The following LDLRAD4 variants were observed in gnomAD, a reference collection of about 807,000 sequenced individuals.
LDLRAD4 encodes low density lipoprotein receptor class A domain containing 4, also known as low-density lipoprotein receptor class A domain-containing protein 4.
Under a neutral mutation model 17.0 loss-of-function variants are expected in LDLRAD4, and 5 were observed. That is an observed-to-expected ratio of 0.29 (90% CI 0.15 to 0.62). The LOEUF is 0.62. LDLRAD4 is among the 20% of genes least tolerant of loss of function. The pLI, the probability that LDLRAD4 is intolerant of heterozygous loss-of-function variation, is 0.84. For synonymous variants in LDLRAD4, 168 were observed against 171.8 expected (o/e 0.98, Z 0.17); for missense variants, 340 against 424.7 (o/e 0.80, Z 1.75).
intron 1 of LDLRAD4, among the ~76,000 whole-genome samples, chr18:13,285,332 G>A (rs1200621007): frequency 6.6e-6 from 1 of 152,172 alleles, no homozygotes; most frequent in African/African-American, 2.4e-5. Context: ...GGTTCATTTG[G>A]CTTGGGGCAG....
chr18:13,469,516 G>A (rs550409627), intron 3 of LDLRAD4, among the ~76,000 whole-genome samples: 1 of 152,346 alleles, frequency 6.6e-6, no homozygotes, highest in South Asian at 2.1e-4. Flanking sequence ...GATAAAAAAT[G>A]TGGTATATAC....
chr18:13,465,886 ACT>A (rs1437593214), intron 3 of LDLRAD4, among the ~76,000 whole-genome samples: 2 of 151,344 alleles, frequency 1.3e-5, no homozygotes, highest in South Asian at 2.1e-4. Flanking sequence ...GCCTCTTCAT[ACT>A]CTCTCCCCCT....
chr18:13,614,558 A>G (rs2039904052), intron 3 of LDLRAD4: 1 of 152,190 alleles, frequency 6.6e-6, no homozygotes, highest in Non-Finnish European at 1.5e-5. Context: ...TTGCTTCTGT[A>G]CTTCAAGCTG....
intron 4 of LDLRAD4, 150 bp from the exon 6 acceptor site, chr18:13,643,209 C>T (rs963426428): frequency 2.0e-6 from 1 of 506,296 alleles, no homozygotes; most frequent in South Asian, 3.1e-5. Flanking sequence ...GCTGGGATTA[C>T]AGGCTTGAGC....
chr18:13,492,558 CA>C (rs1310836498), intron 3 of LDLRAD4, among the ~76,000 whole-genome samples: 1 of 152,204 alleles, frequency 6.6e-6, no homozygotes, highest in Non-Finnish European at 1.5e-5. Context: ...CTGGCCTCAT[CA>C]AAAAGGCCAC....
At chr18:13,225,033 G>A (rs537587185) in intron 1 of LDLRAD4, among the ~76,000 whole-genome samples, 16 of 151,234 alleles carry the variant, frequency 1.1e-4, no homozygotes, top group Admixed American at 8.6e-4. Context: ...ACGGGGTTTC[G>A]TCATGTTGGC....
chr18:13,642,761 TAG>T, intron 4 of LDLRAD4: 1 of 1,230,054 alleles, frequency 8.1e-7, no homozygotes, highest in Non-Finnish European at 1.0e-6. Context: ...CACACAGGTG[TAG>T]AGAGTGAGCC....
intron 3 of LDLRAD4, among the ~76,000 whole-genome samples, chr18:13,441,716 T>C (rs1177939625): frequency 1.3e-5 from 2 of 152,238 alleles, no homozygotes; most frequent in East Asian, 1.9e-4. Context: ...GTTACTGTTA[T>C]TTGTAAAGCC....
chr18:13,515,295 A>C (rs890109914), intron 3 of LDLRAD4: 3 of 152,252 alleles, frequency 2.0e-5, no homozygotes, highest in Admixed American at 1.3e-4. Context: ...TGAGGGAAGG[A>C]AGGATGAGTA....
In LDLRAD4 at chr18:13,612,433, T is replaced by C. The variant is rs1366297112; in HGVS notation, c.182-8684T>C. 2.4e-6 allele frequency: 3 copies of C among 1,265,068 alleles called. No individual in the cohort carries two copies. The African/African-American group carries it at 4.5e-5, about 19-fold the overall frequency. 78.4% of individuals were successfully genotyped at this position (1,265,068 alleles called of 1,614,324 possible). A position where few individuals can be genotyped will look rare whatever the true frequency, so the allele number is the denominator to read the frequency against. ...AGCTCCTGGTTTCTGTTGATGGCAG[T>C]TGATAATTGGTAGCCACAGTCTGCG... is the stretch of plus-strand genomic sequence containing the variant. On this transcript the variant is annotated intron_variant, in intron 3 of 5. Transcript: ENST00000359446.
At chr18:13,225,938 A>C (rs982169681) in intron 1 of LDLRAD4, among the ~76,000 whole-genome samples, 1 of 152,100 alleles carries the variant, frequency 6.6e-6, no homozygotes, top group Non-Finnish European at 1.5e-5. Flanking sequence ...TAGGACATTG[A>C]GGCTGTTACC....
chr18:13,484,616 C>T (rs1163776800), intron 3 of LDLRAD4, among the ~76,000 whole-genome samples: 3 of 152,088 alleles, frequency 2.0e-5, no homozygotes, highest in South Asian at 2.1e-4. Flanking sequence ...ACAGTGAAAC[C>T]CTGTCTCAAA....
intron 2 of LDLRAD4, among the ~76,000 whole-genome samples, chr18:13,394,898 A>C (rs55930843): frequency 0.02 from 2,999 of 152,356 alleles, 104 homozygotes; most frequent in African/African-American, 0.068. Flanking sequence ...CATGTGCAGA[A>C]AGCAGGTGAC....
intron 3 of LDLRAD4, among the ~76,000 whole-genome samples, chr18:13,577,849 C>T (rs1306249249): frequency 6.6e-6 from 1 of 152,010 alleles, no homozygotes; most frequent in Non-Finnish European, 1.5e-5. Flanking sequence ...GAAAAAGGCA[C>T]TGGAAACACC....
At chr18:13,438,147 G>A in intron 2 of LDLRAD4, 97 bp from the exon 4 acceptor site, 1 of 1,080,288 alleles carries the variant, frequency 9.3e-7, no homozygotes, top group Non-Finnish European at 1.4e-6. Context: ...AAACAATCAT[G>A]GCATGCAAAT....
At chr18:13,567,521 C>A (rs1230537938) in intron 3 of LDLRAD4, among the ~76,000 whole-genome samples, 1 of 152,072 alleles carries the variant, frequency 6.6e-6, no homozygotes, top group East Asian at 1.9e-4. Context: ...AAATTAAACA[C>A]CCTCAAGCTG....
chr18:13,265,470 A>G (rs1159290307), intron 1 of LDLRAD4, among the ~76,000 whole-genome samples: 3 of 152,142 alleles, frequency 2.0e-5, no homozygotes, highest in East Asian at 3.9e-4. Flanking sequence ...TGCAGCACAA[A>G]TGTCAGCTGC....
intron 3 of LDLRAD4, among the ~76,000 whole-genome samples, chr18:13,443,586 A>T (rs1177932588): frequency 6.6e-6 from 1 of 152,144 alleles, no homozygotes; most frequent in Non-Finnish European, 1.5e-5. Context: ...ATTTGTTTGC[A>T]CCAGGATCCA....
intron 3 of LDLRAD4, among the ~76,000 whole-genome samples, chr18:13,579,262 A>C (rs1375402521): frequency 6.6e-6 from 1 of 152,246 alleles, no homozygotes; most frequent in East Asian, 1.9e-4. Context: ...TGTGGGAAAT[A>C]TCTAAAAATA....
Sources: allele counts gnomAD v4.1 joint callset (sites outside exome capture counted in the v4.1 genomes callset), GRCh38; gene constraint gnomAD v4.1.1; transcripts MANE v1.5; gene names NCBI Gene and HGNC (gene_info 2026-07-23, HGNC 2026-07-21).